Variants in PTPRE observed in about 807,000 individuals in gnomAD.
The protein encoded by PTPRE is receptor-type tyrosine-protein phosphatase epsilon.
Under a neutral mutation model 102.0 loss-of-function variants are expected in PTPRE, and 51 were observed. That is an observed-to-expected ratio of 0.50 (90% CI 0.40 to 0.63). The LOEUF (loss-of-function observed/expected upper bound fraction) is 0.63, where lower values mean the gene tolerates loss of function less well. PTPRE is among the 30% of genes least tolerant of loss of function. The pLI is 0.00. For missense variants in PTPRE, 752 were observed against 915.1 expected, an observed-to-expected ratio of 0.82 and a Z score of 2.30; for synonymous variants, 345 against 348.2, an observed-to-expected ratio of 0.99 and a Z score of 0.10.
At chr10:128,044,129 C>G (rs886755273) in intron 3 of PTPRE, among the ~76,000 whole-genome samples, 1 of 152,206 alleles carries the variant, frequency 6.6e-6, no homozygotes, top group African/African-American at 2.4e-5. Flanking sequence ...GAAAGATACG[C>G]TTTGAAATCT....
intron 2 of PTPRE, among the ~76,000 whole-genome samples, chr10:128,017,283 A>G (rs979871851): frequency 6.6e-6 from 1 of 152,122 alleles, no homozygotes; most frequent in Non-Finnish European, 1.5e-5. Context: ...GGGCATTAAG[A>G]ACATTAAGAA....
At chr10:128,017,761 G>A (rs546566366) in intron 2 of PTPRE, among the ~76,000 whole-genome samples, 1 of 152,274 alleles carries the variant, frequency 6.6e-6, no homozygotes, top group African/African-American at 2.4e-5. Flanking sequence ...GAGGCTTTTG[G>A]AGGCGCAGAG....
intron 2 of PTPRE, among the ~76,000 whole-genome samples, chr10:127,990,557 A>T (rs947184303): frequency 1.3e-5 from 2 of 152,176 alleles, no homozygotes; most frequent in Non-Finnish European, 2.9e-5. Context: ...CAAGACCTAG[A>T]GTTCTATGCT....
At position 128,085,103 on chromosome 10, in the gene PTPRE, G is replaced by T. The variant is rs746799906; in HGVS notation, c.*2197G>T. 1.8e-5 allele frequency: 8 copies of T among 455,916 alleles called. No individual in the cohort carries two copies. Among genetic ancestry groups the T allele is most frequent in the Non-Finnish European group, 2.2e-5 (5 of 226,888 alleles). 28.2% of individuals were successfully genotyped at this position (455,916 alleles called of 1,614,324 possible). A position where few individuals can be genotyped will look rare whatever the true frequency, so the allele number is the denominator to read the frequency against. On this transcript the variant is annotated 3_prime_UTR_variant, in exon 21 of 21. Coordinates refer to ENST00000254667, the MANE Select transcript of PTPRE (RefSeq NM_006504.6). ...AAGGAGAAGCCACTTTCCCCAGGAC[G>T]CAAGACTCTCCCCTCCACTGTCCGG...
chr10:128,047,697 T>G, intron 4 of PTPRE, 67 bp from the exon 5 acceptor site: 1 of 1,613,994 alleles, frequency 6.2e-7, no homozygotes, highest in East Asian at 2.2e-5. Flanking sequence ...GGTATCACTG[T>G]GCCGAGCGCT....
chr10:128,080,034 A>G (rs574862523), intron 20 of PTPRE, among the ~76,000 whole-genome samples: 1 of 152,290 alleles, frequency 6.6e-6, no homozygotes, highest in East Asian at 1.9e-4. Context: ...ACATACTCTT[A>G]TCAAGTTCAA....
At chr10:128,051,674 C>T (rs1403681805) in intron 6 of PTPRE, among the ~76,000 whole-genome samples, 1 of 152,238 alleles carries the variant, frequency 6.6e-6, no homozygotes, top group African/African-American at 2.4e-5. Context: ...TTAAATTTTG[C>T]ACCCAGAGGA....
At chr10:128,056,336 C>T (rs1275456721) in intron 7 of PTPRE, 123 bp downstream of exon 7, 3 of 769,328 alleles carry the variant, frequency 3.9e-6, no homozygotes, top group South Asian at 1.6e-5. Context: ...AGTCTAACTG[C>T]TCAGCATTTG....
intron 2 of PTPRE, among the ~76,000 whole-genome samples, chr10:128,024,629 G>A (rs1163239420): frequency 6.6e-6 from 1 of 152,162 alleles, no homozygotes; most frequent in Non-Finnish European, 1.5e-5. Context: ...CGTTCTTACC[G>A]GTCCTTGGCC....
chr10:128,060,659 GC>G (rs1590183364), intron 7 of PTPRE, among the ~76,000 whole-genome samples: 1 of 152,174 alleles, frequency 6.6e-6, no homozygotes, highest in Admixed American at 6.5e-5. Flanking sequence ...TGACCCAGCA[GC>G]CCCCATCCTG....
intron 3 of PTPRE, among the ~76,000 whole-genome samples, chr10:128,042,045 A>G (rs1317555490): frequency 6.6e-6 from 1 of 152,224 alleles, no homozygotes; most frequent in Non-Finnish European, 1.5e-5. Context: ...AGAGAAATCC[A>G]AAACCCCAAA....
At chr10:128,055,635 G>C (rs1216306822) in intron 6 of PTPRE, among the ~76,000 whole-genome samples, 2 of 152,126 alleles carry the variant, frequency 1.3e-5, no homozygotes, top group East Asian at 3.9e-4. Context: ...ATCTAAGGCT[G>C]TTTCCCGCCC....
chr10:127,940,246 C>G (rs1848143840), intron 1 of PTPRE, among the ~76,000 whole-genome samples: 1 of 152,136 alleles, frequency 6.6e-6, no homozygotes, highest in Non-Finnish European at 1.5e-5. Flanking sequence ...ACACTCTGCT[C>G]TGACTTTGGC....
At chr10:127,924,626 C>G (rs371636134) in intron 1 of PTPRE, among the ~76,000 whole-genome samples, 4 of 152,218 alleles carry the variant, frequency 2.6e-5, no homozygotes, top group Admixed American at 1.3e-4. Flanking sequence ...CTCCGCCCAA[C>G]TTCCCTCACT....
chr10:128,068,322 G>A (rs914549677), intron 12 of PTPRE, 36 bp downstream of exon 12: 1 of 1,587,294 alleles, frequency 6.3e-7, no homozygotes, highest in Non-Finnish European at 8.6e-7. Context: ...GACCCTCAAG[G>A]GCAGGCCACA....
chr10:128,029,453 C>A (rs540993010), intron 2 of PTPRE, among the ~76,000 whole-genome samples: 1 of 152,252 alleles, frequency 6.6e-6, no homozygotes, highest in South Asian at 2.1e-4. Context: ...GCACAATTGA[C>A]CCTCTCAGCC....
intron 1 of PTPRE, among the ~76,000 whole-genome samples, chr10:127,913,960 C>T (rs1286895272): frequency 6.6e-6 from 1 of 152,094 alleles, no homozygotes; most frequent in East Asian, 1.9e-4. Context: ...CTGTGTGTCC[C>T]CTCCAAATCT....
chr10:128,019,822 G>A (rs1442938772), intron 2 of PTPRE, among the ~76,000 whole-genome samples: 2 of 152,178 alleles, frequency 1.3e-5, no homozygotes, highest in Non-Finnish European at 2.9e-5. Context: ...AGCACCCACG[G>A]TGCCTCTCCC....
chr10:128,079,146 G>A (rs776629139), intron 19 of PTPRE, among the ~76,000 whole-genome samples: 1 of 152,136 alleles, frequency 6.6e-6, no homozygotes, highest in Non-Finnish European at 1.5e-5. Flanking sequence ...GTAAGGAGAG[G>A]GTATGCCAAG....
Sources: allele counts gnomAD v4.1 joint callset (sites outside exome capture counted in the v4.1 genomes callset), GRCh38; gene constraint gnomAD v4.1.1; transcripts MANE v1.5; gene names NCBI Gene and HGNC (gene_info 2026-07-23, HGNC 2026-07-21).